FOXN3: variants seen among roughly 807,000 people sequenced by gnomAD.
The protein encoded by FOXN3 is forkhead box N3.
A neutral mutation model predicts 38.4 loss-of-function variants in FOXN3; 7 were observed. That is an observed-to-expected ratio of 0.18 (90% CI 0.10 to 0.34). The LOEUF (loss-of-function observed/expected upper bound fraction) is 0.34. Among genes scored for constraint, FOXN3 ranks in the 10% least tolerant of loss-of-function variants. The pLI is 1.00. For missense variants in FOXN3, 456 were observed against 613.4 expected (o/e 0.74, Z 2.71); for synonymous variants, 230 against 242.2 (o/e 0.95, Z 0.47).
chr14:89,197,964 T>C (rs1001340223), intron 4 of FOXN3, among the ~76,000 whole-genome samples: 1 of 152,210 alleles, frequency 6.6e-6, no homozygotes, highest in Non-Finnish European at 1.5e-5. Flanking sequence ...TCTCTAACTC[T>C]GCATGAGAAT....
chr14:89,591,021 T>C (rs1210336698), intron 1 of FOXN3, among the ~76,000 whole-genome samples: 1 of 152,216 alleles, frequency 6.6e-6, no homozygotes, highest in Non-Finnish European at 1.5e-5. Flanking sequence ...ATGGATAGCT[T>C]TCTCTGTATC....
chr14:89,501,742 G>A (rs772657887), intron 1 of FOXN3, among the ~76,000 whole-genome samples: 6 of 152,082 alleles, frequency 3.9e-5, no homozygotes, highest in Non-Finnish European at 8.8e-5. Context: ...CTAAATATGG[G>A]GACACTGAGG....
At chr14:89,603,255 G>A (rs1012798101) in intron 1 of FOXN3, among the ~76,000 whole-genome samples, 42 of 152,214 alleles carry the variant, frequency 2.8e-4, no homozygotes, top group African/African-American at 1.0e-3. Context: ...GGTTGAAAAT[G>A]ACAGAGTCCT....
At chr14:89,190,766 G>A (rs187236423) in intron 4 of FOXN3, among the ~76,000 whole-genome samples, 51 of 152,234 alleles carry the variant, frequency 3.4e-4, no homozygotes, top group African/African-American at 7.0e-4. Flanking sequence ...AGCTTTTACC[G>A]TGGGGTGAGG....
At chr14:89,189,957 C>T (rs1294792983) in intron 4 of FOXN3, among the ~76,000 whole-genome samples, 4 of 152,150 alleles carry the variant, frequency 2.6e-5, no homozygotes, top group Admixed American at 6.5e-5. Flanking sequence ...GGCAGCCTGG[C>T]GATGAGGTCC....
chr14:89,426,029 C>T (rs559205213), intron 1 of FOXN3, among the ~76,000 whole-genome samples: 4 of 151,990 alleles, frequency 2.6e-5, no homozygotes, highest in East Asian at 3.9e-4. Context: ...GCTTGGGCTC[C>T]GTTTCAAACA....
intron 1 of FOXN3, among the ~76,000 whole-genome samples, chr14:89,458,367 A>G (rs1892771303): frequency 6.6e-6 from 1 of 152,210 alleles, no homozygotes; most frequent in Admixed American, 6.5e-5. Flanking sequence ...GGAGACAGCC[A>G]CTTGAGCAGC....
At chr14:89,607,762 G>A (rs1459099711) in intron 1 of FOXN3, among the ~76,000 whole-genome samples, 33 of 151,914 alleles carry the variant, frequency 2.2e-4, no homozygotes, top group Admixed American at 2.2e-3. Context: ...TCTGGATTAA[G>A]TGTAGCAGGG....
chr14:89,560,513 C>A (rs945786881), intron 1 of FOXN3, among the ~76,000 whole-genome samples: 1 of 152,300 alleles, frequency 6.6e-6, no homozygotes, highest in South Asian at 2.1e-4. Context: ...ACAGCAAACA[C>A]CTACCCCTGG....
At chr14:89,452,289 C>T (rs1037332982) in intron 1 of FOXN3, among the ~76,000 whole-genome samples, 1 of 152,172 alleles carries the variant, frequency 6.6e-6, no homozygotes, top group Non-Finnish European at 1.5e-5. Flanking sequence ...CCCTAACAAA[C>T]CTTCCAAGGA....
intron 2 of FOXN3, among the ~76,000 whole-genome samples, chr14:89,363,991 AT>A (rs1890047762): frequency 1.4e-5 from 1 of 69,246 alleles, no homozygotes. Flanking sequence ...TATATATAAT[AT>A]ATATATATAT....
intron 1 of FOXN3, among the ~76,000 whole-genome samples, chr14:89,604,641 AG>A (rs1048712700): frequency 4.6e-5 from 7 of 152,236 alleles, no homozygotes; most frequent in Non-Finnish European, 1.0e-4. Flanking sequence ...AGAATCTTCC[AG>A]TTCTGATGAG....
intron 1 of FOXN3, among the ~76,000 whole-genome samples, chr14:89,588,059 G>A (rs1033062644): frequency 3.3e-5 from 5 of 152,002 alleles, no homozygotes; most frequent in African/African-American, 1.2e-4. Context: ...CTGGATCATG[G>A]GGATGGATTT....
chr14:89,411,538 T>A (rs1891545654), intron 2 of FOXN3, among the ~76,000 whole-genome samples: 1 of 152,228 alleles, frequency 6.6e-6, no homozygotes, highest in Non-Finnish European at 1.5e-5. Context: ...ACCATTTTTC[T>A]CTAGCCCATG....
At chr14:89,587,799 G>A (rs1895872052) in intron 1 of FOXN3, among the ~76,000 whole-genome samples, 1 of 142,684 alleles carries the variant, frequency 7.0e-6, no homozygotes. Flanking sequence ...CTGGTAGGCA[G>A]AGGTTGCAGT....
chr14:89,370,440 G>A (rs772151396), intron 2 of FOXN3, among the ~76,000 whole-genome samples: 1 of 152,222 alleles, frequency 6.6e-6, no homozygotes. Flanking sequence ...TTTCAAATAG[G>A]TTGGGATGGT....
At chr14:89,547,309 C>A (rs1370649863) in intron 1 of FOXN3, among the ~76,000 whole-genome samples, 2 of 151,860 alleles carry the variant, frequency 1.3e-5, no homozygotes, top group Non-Finnish European at 2.9e-5. Context: ...GGCTGGAGTG[C>A]AGTGGCACAA....
chr14:89,410,662 C>T (rs1891518626), intron 2 of FOXN3, among the ~76,000 whole-genome samples: 1 of 152,134 alleles, frequency 6.6e-6, no homozygotes, highest in African/African-American at 2.4e-5. Context: ...CACTTGAGCC[C>T]TGAAGTTTGA....
intron 1 of FOXN3, among the ~76,000 whole-genome samples, chr14:89,544,317 AG>A (rs1566693670): frequency 6.7e-6 from 1 of 149,398 alleles, no homozygotes; most frequent in African/African-American, 2.5e-5. Context: ...CTGGGATTAC[AG>A]GCGTGAGCCA....
Sources: allele counts gnomAD v4.1 joint callset (sites outside exome capture counted in the v4.1 genomes callset), GRCh38; gene constraint gnomAD v4.1.1; transcripts MANE v1.5; gene names NCBI Gene and HGNC (gene_info 2026-07-23, HGNC 2026-07-21).